CYP2C8: variants seen among roughly 807,000 people sequenced by gnomAD.
CYP2C8 encodes the protein cytochrome P450 2C8.
A neutral mutation model predicts 41.3 loss-of-function variants in CYP2C8; 51 were observed. That is an observed-to-expected ratio of 1.24 (90% CI 0.99 to 1.56). The LOEUF (loss-of-function observed/expected upper bound fraction) is 1.56. Among genes scored for constraint, CYP2C8 ranks in the 40% most tolerant of loss-of-function variants. CYP2C8 has a pLI of 0.00. For missense variants in CYP2C8, 651 were observed against 579.9 expected, an observed-to-expected ratio of 1.12 and a Z score of -1.26; for synonymous variants, 218 against 205.8, an observed-to-expected ratio of 1.06 and a Z score of -0.51.
rs1242110478 is a variant in CYP2C8 at position 95,037,266 on chromosome 10, TA to T, written c.1334del (p.Leu445HisfsTer5). 6.2e-7 allele frequency: 1 copy of T among 1,613,792 alleles called. No homozygotes were observed. Among genetic ancestry groups the T allele is most frequent in the Non-Finnish European group, 8.5e-7 (1 of 1,179,840 alleles). Reference protein sequence around the residue: ...CAGEGLARMELFLFLTTILQN... With the variant: ...CAGEGLARMEXFLFLTTILQN... ...GTAAAATTGTGGTTAGAAATAAAAA[TA>T]GCTCCATGCGGGCAAGTCCTTCTCC... On this transcript the variant is annotated frameshift_variant, in exon 9 of 9. Transcript: ENST00000371270. LOFTEE classifies it low-confidence loss of function (END_TRUNC).
intron 5 of CYP2C8, among the ~76,000 whole-genome samples, chr10:95,053,639 A>G (rs1934979): frequency 0.69 from 104,232 of 151,858 alleles, 36,500 homozygotes; most frequent in Middle Eastern, 0.84. Flanking sequence ...AGCTGGAAAC[A>G]TCGTTCTCAG....
chr10:95,043,558 A>G (rs993957509), intron 6 of CYP2C8, among the ~76,000 whole-genome samples: 2 of 152,168 alleles, frequency 1.3e-5, no homozygotes, highest in South Asian at 2.1e-4. Flanking sequence ...CACTTTGAGC[A>G]TGCTAGCAGT....
In CYP2C8 at chr10:95,067,678, T is replaced by C. The variant is rs748785700; in HGVS notation, c.182A>G (p.Tyr61Cys). The change falls in exon 2 of 9, where the codon TAT becomes TGT. Residue 61 changes from tyrosine to cysteine, a missense_variant. Tyr to Cys is a radical substitution (Grantham distance 194). Transcript: ENST00000371270. ...AAAATACACGGTGAACACAGGACCATAGACTTTTGAGAACTGGGAAAGGAA... is the reference window on the plus strand; with the variant it reads ...AAAATACACGGTGAACACAGGACCACAGACTTTTGAGAACTGGGAAAGGAA... The part of the protein sequence containing the change: ...CKSFTNFSKV[Y>C]GPVFTVYFGM... 2.5e-6 allele frequency: 4 copies of C among 1,614,116 alleles called. No homozygotes were observed. Among genetic ancestry groups the C allele is most frequent in the South Asian group, 2.2e-5 (2 of 91,082 alleles).
At chr10:95,065,353 G>A (rs889243770) in intron 3 of CYP2C8, among the ~76,000 whole-genome samples, 23 of 152,156 alleles carry the variant, frequency 1.5e-4, no homozygotes, top group Admixed American at 5.2e-4. Flanking sequence ...GAAAAGTTGG[G>A]GACCTAGAAA....
intron 5 of CYP2C8, among the ~76,000 whole-genome samples, chr10:95,048,497 G>C (rs978568149): frequency 6.6e-6 from 1 of 152,330 alleles, no homozygotes; most frequent in South Asian, 2.1e-4. Flanking sequence ...AATAGGTTTA[G>C]TGTGGTAATT....
intron 5 of CYP2C8, among the ~76,000 whole-genome samples, chr10:95,047,127 A>G (rs1291714502): frequency 2.6e-5 from 4 of 152,154 alleles, no homozygotes; most frequent in African/African-American, 7.2e-5. Context: ...GCCTTCTGCT[A>G]TGAGCAAATA....
Position 95,067,310 on chromosome 10 carries a change from A to G in CYP2C8, c.379T>C (p.Ser127Pro). ...GKRWKEIRRF[S>P]LTTLRNFGMG... ...CCAAAATTCCGCAAGGTTGTGAGGG[A>G]GAAACGCCGGATCTCCTTCCATCTC... The change falls in exon 3 of 9, where the codon TCC (serine) becomes CCC (proline). Residue 127 changes from serine to proline, a missense_variant. Ser to Pro is a moderately conservative substitution (Grantham distance 74). Coordinates refer to ENST00000371270, the MANE Select transcript of CYP2C8 (RefSeq NM_000770.3). 1 of 1,614,162 alleles carries G rather than the reference A, an allele frequency of 6.2e-7. No individual in the cohort carries two copies. The highest frequency in any genetic ancestry group is 1.3e-5 in the African/African-American group (1 of 75,046).
At chr10:95,047,629 T>C (rs1010891615) in intron 5 of CYP2C8, among the ~76,000 whole-genome samples, 1 of 152,106 alleles carries the variant, frequency 6.6e-6, no homozygotes, top group African/African-American at 2.4e-5. Context: ...TGAAGAGAAA[T>C]GGCAATTATT....
At chr10:95,045,079 A>G (rs1024399682) in intron 6 of CYP2C8, among the ~76,000 whole-genome samples, 12 of 152,224 alleles carry the variant, frequency 7.9e-5, no homozygotes, top group Non-Finnish European at 7.3e-5. Flanking sequence ...TGACACAGGG[A>G]AAAAGGTATG....
At chr10:95,055,498 A>C (rs1017051924) in intron 5 of CYP2C8, among the ~76,000 whole-genome samples, 3 of 151,374 alleles carry the variant, frequency 2.0e-5, no homozygotes, top group African/African-American at 7.3e-5. Context: ...GAAAAACTTA[A>C]ATGTGAACTA....
intron 1 of CYP2C8, among the ~76,000 whole-genome samples, chr10:95,068,948 T>G (rs2033624242): frequency 6.6e-6 from 1 of 151,930 alleles, no homozygotes; most frequent in Non-Finnish European, 1.5e-5. Flanking sequence ...GTAGTCCCAG[T>G]TACTCGGGGG....
At chr10:95,047,158 A>G (rs548234291) in intron 5 of CYP2C8, among the ~76,000 whole-genome samples, 38 of 152,294 alleles carry the variant, frequency 2.5e-4, no homozygotes, top group Admixed American at 6.5e-4. Flanking sequence ...ACTCTCCAAA[A>G]GCTGAGCAGA....
In CYP2C8 at chr10:95,064,806, C is replaced by G. The variant is rs778575173; in HGVS notation, c.636G>C (p.Trp212Cys). The G allele has an allele frequency of 2.9e-5, 46 of 1,613,678 alleles. No homozygotes were observed. In the South Asian group the frequency reaches 5.1e-4, roughly 18 times the overall value. Residue 212 changes from tryptophan to cysteine, a missense_variant, in exon 4 of 9, where the codon TGG becomes TGC. Coordinates refer to ENST00000371270, the MANE Select transcript of CYP2C8 (RefSeq NM_000770.3). ...AATAAAATCTTGGCCTTACCTGGAT[C>G]CATGGGGAGTTCAGAATCCTGAAGT... ...NENFRILNSP[W>C]IQVCNNFPLL...
Position 95,069,257 on chromosome 10 carries a change from T to A in CYP2C8, c.146A>T (p.Asp49Val). The part of the protein sequence containing the change: ...IGNMLQIDVK[D>V]ICKSFTNFSK... ...TACATTGGTGAAAGATTTGCAGATG[T>A]CCTTAACATCTATCTGTAGCATATT... Residue 49 changes from aspartate (D) to valine (V), a missense_variant, in exon 1 of 9, where the codon GAC becomes GTC. Coordinates refer to ENST00000371270, the MANE Select transcript of CYP2C8 (RefSeq NM_000770.3). The A allele has an allele frequency of 6.2e-7, 1 of 1,614,104 alleles. No individual in the cohort carries two copies. The highest frequency in any genetic ancestry group is 1.1e-5 in the South Asian group (1 of 91,078).
chr10:95,048,194 A>C (rs2033145278), intron 5 of CYP2C8, among the ~76,000 whole-genome samples: 1 of 152,160 alleles, frequency 6.6e-6, no homozygotes, highest in South Asian at 2.1e-4. Context: ...TCTCTCTTTA[A>C]CAGTCCATTT....
chr10:95,041,630 A>G (rs2032997496), intron 7 of CYP2C8, among the ~76,000 whole-genome samples: 1 of 146,052 alleles, frequency 6.8e-6, no homozygotes, highest in African/African-American at 2.6e-5. Flanking sequence ...AAATACAAAA[A>G]ATTAGCCGGG....
At chr10:95,064,664 G>T in intron 4 of CYP2C8, 136 bp downstream of exon 4, 1 of 850,020 alleles carries the variant, frequency 1.2e-6, no homozygotes, top group Non-Finnish European at 1.8e-6. Flanking sequence ...AATCAAAGGT[G>T]GTAATTATTT....
chr10:95,057,037 T>A (rs1225786736), intron 5 of CYP2C8, among the ~76,000 whole-genome samples: 1 of 152,180 alleles, frequency 6.6e-6, no homozygotes, highest in South Asian at 2.1e-4. Flanking sequence ...TTATACCCAC[T>A]TTTAATTGCA....
intron 7 of CYP2C8, chr10:95,040,920 A>G (rs1470491588): frequency 2.2e-6 from 1 of 456,274 alleles, no homozygotes; most frequent in Non-Finnish European, 4.4e-6. Flanking sequence ...AACGTTTCTC[A>G]CCTAGTTTTA....
Sources: gnomAD v4.1 joint callset for allele counts (sites outside exome capture counted in the v4.1 genomes callset) on GRCh38, gnomAD v4.1.1 for gene constraint, MANE v1.5 for transcripts, NCBI Gene and HGNC (gene_info 2026-07-23, HGNC 2026-07-21) for gene names.